Variants in KCNQ3 observed in about 807,000 individuals in gnomAD.
The protein encoded by KCNQ3 is potassium voltage-gated channel subfamily KQT member 3.
In KCNQ3, 30 loss-of-function variants were observed where a neutral mutation model predicts 92.5. The observed-to-expected ratio is 0.32, with a 90% CI of 0.24 to 0.44. The LOEUF (loss-of-function observed/expected upper bound fraction) is 0.44, where lower values mean the gene tolerates loss of function less well. Among genes scored for constraint, KCNQ3 ranks in the 20% least tolerant of loss-of-function variants. KCNQ3 has a pLI of 1.00. For synonymous variants in KCNQ3, 450 were observed against 468.8 expected, an observed-to-expected ratio of 0.96 and a Z score of 0.52; for missense variants, 913 against 1,140.3, an observed-to-expected ratio of 0.80 and a Z score of 2.87.
intron 1 of KCNQ3, among the ~76,000 whole-genome samples, chr8:132,215,661 A>T (rs558192626): frequency 6.6e-6 from 1 of 152,076 alleles, no homozygotes; most frequent in African/African-American, 2.4e-5. Flanking sequence ...GAAGTAGACC[A>T]TGAGTTACTG....
intron 1 of KCNQ3, among the ~76,000 whole-genome samples, chr8:132,298,048 C>T (rs1318581543): frequency 6.6e-6 from 1 of 152,090 alleles, no homozygotes; most frequent in Non-Finnish European, 1.5e-5. Context: ...AGGCTTTGTC[C>T]GGCACCCAGA....
rs549050444 is a variant in KCNQ3 at position 132,239,289 on chromosome 8, C to T, written c.387-53108G>A. ...GCTCCTGCAAATACATCCTGCTCCT[C>T]TTTGGCAAATTGCTAAATCCAAGAA... On this transcript the variant is annotated intron_variant, in intron 1 of 14. Coordinates refer to ENST00000388996, the MANE Select transcript of KCNQ3 (RefSeq NM_004519.4). Among the ~76,000 whole-genome samples, 21 of 152,322 alleles carry T rather than the reference C, an allele frequency of 1.4e-4. No individual in the cohort carries two copies. In the South Asian group the frequency reaches 3.9e-3, roughly 29 times the overall value.
Position 132,322,369 on chromosome 8 carries a change from T to C in KCNQ3, c.387-136188A>G, listed in dbSNP as rs1001982903. ...TCCCTGCTGGCTCAGAGCAGAGTGA[T>C]GAACAGGAACAGCAGGTGAGGCAGA... On this transcript the variant is annotated intron_variant, in intron 1 of 14. Transcript: ENST00000388996. Among the ~76,000 whole-genome samples the C allele has an allele frequency of 4.1e-4, 63 of 151,870 alleles. 1 individual carries two copies. Among genetic ancestry groups the C allele is most frequent in the Non-Finnish European group, 2.1e-4 (14 of 67,984 alleles).
chr8:132,368,750 C>T (rs1215822092), intron 1 of KCNQ3, among the ~76,000 whole-genome samples: 1 of 152,144 alleles, frequency 6.6e-6, no homozygotes, highest in Non-Finnish European at 1.5e-5. Context: ...TTAGTTTACA[C>T]TAGTTTTAGA....
In KCNQ3 at chr8:132,197,924, G is replaced by A. The variant is rs371130117; in HGVS notation, c.387-11743C>T. Among the ~76,000 whole-genome samples the A allele has an allele frequency of 5.1e-4, 78 of 152,270 alleles. 1 individual carries two copies. In the South Asian group the frequency reaches 0.016, roughly 31 times the overall value. ...AAAAAGGAAAAGATTAAATATTTCA[G>A]AGTCCAGCTGTGGCAAGTACACTCT... On this transcript the variant is annotated intron_variant, in intron 1 of 14. Coordinates refer to ENST00000388996, the MANE Select transcript of KCNQ3 (RefSeq NM_004519.4).
At chr8:132,371,252 C>T (rs1037816711) in intron 1 of KCNQ3, among the ~76,000 whole-genome samples, 6 of 152,136 alleles carry the variant, frequency 3.9e-5, no homozygotes, top group Admixed American at 2.0e-4. Flanking sequence ...TTAGTAAGCA[C>T]GTTTGTTGAT....
intron 1 of KCNQ3, among the ~76,000 whole-genome samples, chr8:132,356,670 T>G (rs1819027251): frequency 6.6e-6 from 1 of 152,218 alleles, no homozygotes; most frequent in African/African-American, 2.4e-5. Flanking sequence ...GTTGTGCTAT[T>G]TCTTAATTGC....
intron 1 of KCNQ3, among the ~76,000 whole-genome samples, chr8:132,444,714 C>T (rs1324211866): frequency 6.6e-6 from 1 of 152,204 alleles, no homozygotes; most frequent in Non-Finnish European, 1.5e-5. Flanking sequence ...AGTGCTGCTC[C>T]GCCAACTGAG....
At chr8:132,165,713 C>A (rs952861755) in intron 8 of KCNQ3, among the ~76,000 whole-genome samples, 4 of 152,302 alleles carry the variant, frequency 2.6e-5, no homozygotes, top group African/African-American at 9.6e-5. Context: ...CCCAGAGATA[C>A]AATGCAAAAT....
At chr8:132,133,684 A>G (rs1167085896) in intron 13 of KCNQ3, among the ~76,000 whole-genome samples, 2 of 152,138 alleles carry the variant, frequency 1.3e-5, no homozygotes, top group African/African-American at 4.8e-5. Flanking sequence ...GAAGGTTCAT[A>G]ATATTTCTTA....
intron 1 of KCNQ3, among the ~76,000 whole-genome samples, chr8:132,435,260 C>T (rs898364788): frequency 6.6e-6 from 1 of 152,184 alleles, no homozygotes; most frequent in Non-Finnish European, 1.5e-5. Flanking sequence ...TTTACAGACA[C>T]AATAGATGCT....
At chr8:132,335,099 G>A (rs989893228) in intron 1 of KCNQ3, among the ~76,000 whole-genome samples, 4 of 151,434 alleles carry the variant, frequency 2.6e-5, no homozygotes, top group African/African-American at 9.7e-5. Flanking sequence ...GGAGTGCAGT[G>A]GTGTGATCTC....
At chr8:132,355,189 G>C (rs1818986200) in intron 1 of KCNQ3, among the ~76,000 whole-genome samples, 1 of 152,160 alleles carries the variant, frequency 6.6e-6, no homozygotes, top group Non-Finnish European at 1.5e-5. Context: ...TTAATGCAGA[G>C]CTGTAGGCTC....
rs1438793695 is a variant in KCNQ3 at position 132,180,219 on chromosome 8, G to A, written c.715C>T (p.Arg239Trp). 2 of 1,614,174 alleles carry A rather than the reference G, an allele frequency of 1.2e-6. No homozygotes were observed. The highest frequency in any genetic ancestry group is 1.7e-6 in the Non-Finnish European group (2 of 1,180,034). Residue 239 changes from arginine (R) to tryptophan (W), a missense_variant, in exon 4 of 15, where the codon CGG becomes TGG. Physicochemically the swap from Arg to Trp is moderately radical, Grantham distance 101. Coordinates refer to ENST00000388996, the MANE Select transcript of KCNQ3 (RefSeq NM_004519.4). Reference protein sequence around the residue: ...LRFLQILRMLRMDRRGGTWKL... With the variant: ...LRFLQILRMLWMDRRGGTWKL... Reference sequence around the variant, plus strand: ...CAGGTGCCACCTCTCCGGTCCATCCGCAGCATGCGCAGGATCTGCAGGAAG... The same window carrying A: ...CAGGTGCCACCTCTCCGGTCCATCCACAGCATGCGCAGGATCTGCAGGAAG...
intron 1 of KCNQ3, among the ~76,000 whole-genome samples, chr8:132,280,479 A>G (rs574552080): frequency 6.6e-6 from 1 of 152,262 alleles, no homozygotes; most frequent in Non-Finnish European, 1.5e-5. Context: ...ATTTTACAAC[A>G]ATCAGATCTC....
chr8:132,148,119 TTAAAA>T (rs1825508693), intron 9 of KCNQ3, among the ~76,000 whole-genome samples: 1 of 152,224 alleles, frequency 6.6e-6, no homozygotes, highest in Admixed American at 6.5e-5. Context: ...ATTTTATTCT[TTAAAA>T]TAAAATGGGA....
intron 1 of KCNQ3, among the ~76,000 whole-genome samples, chr8:132,213,628 T>C (rs1199686665): frequency 1.3e-5 from 2 of 152,196 alleles, no homozygotes; most frequent in Non-Finnish European, 2.9e-5. Flanking sequence ...GTTCTGTTCC[T>C]CCCTGGCTCA....
intron 1 of KCNQ3, among the ~76,000 whole-genome samples, chr8:132,288,748 A>G (rs969442874): frequency 6.6e-6 from 1 of 152,028 alleles, no homozygotes; most frequent in Non-Finnish European, 1.5e-5. Flanking sequence ...TTCAATACAG[A>G]ACTAATACTT....
intron 1 of KCNQ3, among the ~76,000 whole-genome samples, chr8:132,451,503 G>A (rs988483470): frequency 1.3e-5 from 2 of 152,176 alleles, no homozygotes; most frequent in South Asian, 2.1e-4. Context: ...TTGTGTGACT[G>A]TCCCCACAGC....
Sources: gnomAD v4.1 joint callset for allele counts (sites outside exome capture counted in the v4.1 genomes callset) on GRCh38, gnomAD v4.1.1 for gene constraint, MANE v1.5 for transcripts, NCBI Gene and HGNC (gene_info 2026-07-23, HGNC 2026-07-21) for gene names.